Variants in GK observed in about 807,000 individuals in gnomAD.
The protein encoded by GK is glycerol kinase, also known as ATP:glycerol 3-phosphotransferase.
A neutral mutation model predicts 56.4 loss-of-function variants in GK; 9 were observed. That is an observed-to-expected ratio of 0.16 (90% CI 0.10 to 0.28). The LOEUF is 0.28. GK is among the 10% of genes least tolerant of loss of function. GK has a pLI of 1.00. For missense variants in GK, 161 were observed against 431.4 expected (o/e 0.37, Z 5.55); for synonymous variants, 104 against 144.1 (o/e 0.72, Z 1.99).
At chrX:30,666,585 T>C (rs1262912075) in intron 2 of GK, among the ~76,000 whole-genome samples, 1 of 111,972 alleles carries the variant, frequency 8.9e-6, no homozygotes, top group African/African-American at 3.3e-5. Context: ...CAGCAAATTG[T>C]GTGCTTTCGA....
At chrX:30,653,734 A>T in intron 1 of GK, 119 bp downstream of exon 1, 1 of 696,695 alleles carries the variant, frequency 1.4e-6, no homozygotes, top group Non-Finnish European at 2.3e-6. Flanking sequence ...GCCGCTGGGC[A>T]AGGAGGGAGG....
At chrX:30,696,425 A>G (rs778180374) in intron 7 of GK, among the ~76,000 whole-genome samples, 192 bp from the exon 8 acceptor site, 2 of 112,568 alleles carry the variant, frequency 1.8e-5, no homozygotes, top group South Asian at 3.6e-4. Flanking sequence ...ATTGGCTTGC[A>G]TAAAGTTAGA....
At chrX:30,699,988 G>T (rs1193959193) in intron 9 of GK, 1 of 120,078 alleles carries the variant, frequency 8.3e-6, no homozygotes, top group African/African-American at 3.2e-5. Flanking sequence ...GTTTCATACT[G>T]GTTTGATAGC....
intron 6 of GK, among the ~76,000 whole-genome samples, chrX:30,695,289 G>T (rs980590041): frequency 5.3e-5 from 6 of 112,371 alleles, no homozygotes; most frequent in African/African-American, 1.9e-4. Context: ...GGCAGAATGT[G>T]CTTTGTGTTC....
intron 1 of GK, among the ~76,000 whole-genome samples, chrX:30,662,811 C>CCT (rs774360664): frequency 2.4e-4 from 3 of 12,491 alleles, no homozygotes; most frequent in South Asian, 4.7e-3. Context: ...TTCCTTCCTT[C>CCT]TCTCTCTCTC....
chrX:30,673,484 A>G (rs972264434), intron 3 of GK, among the ~76,000 whole-genome samples: 1 of 111,934 alleles, frequency 8.9e-6, no homozygotes, highest in African/African-American at 3.2e-5. Flanking sequence ...TAGGGTAGGA[A>G]TGACAAGACA....
intron 4 of GK, among the ~76,000 whole-genome samples, chrX:30,677,708 C>T (rs1053083709): frequency 1.4e-4 from 15 of 108,445 alleles, no homozygotes; most frequent in Admixed American, 7.9e-4. Flanking sequence ...ACCTATAGTC[C>T]CAGCTACTCG....
intron 4 of GK, among the ~76,000 whole-genome samples, chrX:30,687,839 AT>A (rs1254537319): frequency 9.0e-6 from 1 of 111,669 alleles, no homozygotes; most frequent in Non-Finnish European, 1.9e-5. Flanking sequence ...AAGTTTTCTA[AT>A]TTTTTTGTTC....
intron 5 of GK, among the ~76,000 whole-genome samples, chrX:30,692,376 A>G (rs747222802): frequency 8.9e-5 from 10 of 111,862 alleles, no homozygotes; most frequent in Non-Finnish European, 1.7e-4. Flanking sequence ...TGAAAATAAG[A>G]TATTATGTAC....
At chrX:30,697,263 A>G (rs1386183746) in intron 8 of GK, among the ~76,000 whole-genome samples, 4 of 112,295 alleles carry the variant, frequency 3.6e-5, no homozygotes, top group African/African-American at 1.3e-4. Flanking sequence ...CTGTGGTTAA[A>G]CATCAGGAAT....
In GK at chrX:30,693,011, C is replaced by CTTTT. The variant is rs1184645786; in HGVS notation, c.415-1369_415-1366dup. 3.7e-3 allele frequency among the ~76,000 whole-genome samples: 207 copies of CTTTT among 56,600 alleles called. 2 individuals are homozygous for CTTTT. Among genetic ancestry groups the CTTTT allele is most frequent in the Non-Finnish European group, 4.7e-3 (145 of 30,902 alleles). The allele number at this position is 56,600 out of a possible 115,157, so 49.2% of individuals were successfully genotyped here. ...TGTGTATGTATTTTCTTTTTCTTTT[C>CTTTT]TTTTTTTTTTTTTTTTTTTTTTTGA... On this transcript the variant is annotated intron_variant, in intron 5 of 20. Coordinates refer to ENST00000427190, the MANE Select transcript of GK (RefSeq NM_001205019.2).
At position 30,721,205 on chromosome X, in the gene GK, T is replaced by A. The variant is rs1936880621; in HGVS notation, c.1501+210T>A. On this transcript the variant is annotated intron_variant, in intron 18 of 20. Coordinates refer to ENST00000427190, the MANE Select transcript of GK (RefSeq NM_001205019.2). ...TTATCAAAAGAACTTCTAAAATCACTTTTTAAAAATCATTTGCTTTTACTG... is the reference window on the plus strand; with the variant it reads ...TTATCAAAAGAACTTCTAAAATCACATTTTAAAAATCATTTGCTTTTACTG... The A allele has an allele frequency of 1.3e-5, 6 of 452,892 alleles. No homozygotes were observed. In the Admixed American group the frequency reaches 2.1e-4, roughly 16 times the overall value. The allele number at this position is 452,892 out of a possible 1,213,427, so 37.3% of individuals were successfully genotyped here.
At chrX:30,713,292 A>C (rs1936450859) in intron 13 of GK, among the ~76,000 whole-genome samples, 1 of 111,526 alleles carries the variant, frequency 9.0e-6, no homozygotes, top group Admixed American at 9.5e-5. Flanking sequence ...CTACTCCCTG[A>C]CACATATAGA....
chrX:30,722,526 C>G (rs1272740508), intron 18 of GK, among the ~76,000 whole-genome samples: 1 of 111,501 alleles, frequency 9.0e-6, no homozygotes, highest in Non-Finnish European at 1.9e-5. Flanking sequence ...ATCAGTCATG[C>G]CCTATTGTCC....
rs551966770 is a variant in GK at position 30,725,130 on chromosome X, G to A, written c.1582+949G>A. 2.2e-4 allele frequency among the ~76,000 whole-genome samples: 25 copies of A among 111,218 alleles called. No individual in the cohort carries two copies. The South Asian group carries it at 9.1e-3, about 41-fold the overall frequency. On this transcript the variant is annotated intron_variant, in intron 19 of 20. Transcript: ENST00000427190. ...ACTCCTGACCTCAAGTGATCCGCCCGCCTTGGCTTCCCAAAGTGCCAGGAT... is the reference window on the plus strand; with the variant it reads ...ACTCCTGACCTCAAGTGATCCGCCCACCTTGGCTTCCCAAAGTGCCAGGAT...
At chrX:30,687,584 G>A (rs1934692227) in intron 4 of GK, 2 of 341,869 alleles carry the variant, frequency 5.9e-6, no homozygotes, top group South Asian at 2.6e-5. Flanking sequence ...GTTCCCTCTG[G>A]CTCTTCAGTT....
chrX:30,686,756 A>G lies in GK; in HGVS notation c.338-4367A>G, dbSNP rs1479036422. On this transcript the variant is annotated intron_variant, in intron 4 of 20. Coordinates refer to ENST00000427190, the MANE Select transcript of GK (RefSeq NM_001205019.2). ...CCAGAACAAACTAAATCTACCAGAC[A>G]GATTGGATGTGACTTTATTTAATAC... 4.3e-4 allele frequency among the ~76,000 whole-genome samples: 48 copies of G among 111,527 alleles called. 1 individual carries two copies.
At chrX:30,665,741 T>C (rs1381237628) in intron 2 of GK, among the ~76,000 whole-genome samples, 157 bp downstream of exon 2, 2 of 112,295 alleles carry the variant, frequency 1.8e-5, no homozygotes, top group Admixed American at 9.5e-5. Context: ...TAACTTGGTA[T>C]GTCTTACATG....
At position 30,660,001 on chromosome X, in the gene GK, G is replaced by A. The variant is rs775585623; in HGVS notation, c.79-5510G>A. 9.9e-5 allele frequency among the ~76,000 whole-genome samples: 11 copies of A among 111,653 alleles called. No homozygotes were observed. The South Asian group carries it at 4.1e-3, about 41-fold the overall frequency. Reference sequence around the variant, plus strand: ...TGACCTCAGGTGATCCACCCACCTCGGCCTTCCAAAGTGCTGGGATTACAG... The same window carrying A: ...TGACCTCAGGTGATCCACCCACCTCAGCCTTCCAAAGTGCTGGGATTACAG... On this transcript the variant is annotated intron_variant, in intron 1 of 20. Coordinates refer to ENST00000427190, the MANE Select transcript of GK (RefSeq NM_001205019.2).
Sources: gnomAD v4.1 joint callset for allele counts (sites outside exome capture counted in the v4.1 genomes callset) on GRCh38, gnomAD v4.1.1 for gene constraint, MANE v1.5 for transcripts, NCBI Gene and HGNC (gene_info 2026-07-23, HGNC 2026-07-21) for gene names.